IMMP2L: variants seen among roughly 807,000 people sequenced by gnomAD.
IMMP2L encodes mitochondrial inner membrane protease subunit 2.
In IMMP2L, 18 loss-of-function variants were observed where a neutral mutation model predicts 19.3. The ratio of observed to expected loss-of-function variants is 0.93; its 90% CI spans 0.64 to 1.38. IMMP2L has a LOEUF of 1.38. Among genes scored for constraint, IMMP2L ranks in the 40% most tolerant of loss-of-function variants. The pLI is 0.00. For missense variants in IMMP2L, 233 were observed against 218.2 expected, an observed-to-expected ratio of 1.07 and a Z score of -0.43; for synonymous variants, 76 against 73.0, an observed-to-expected ratio of 1.04 and a Z score of -0.21.
intron 3 of IMMP2L, among the ~76,000 whole-genome samples, chr7:111,378,186 T>A (rs996834306): frequency 6.6e-6 from 1 of 151,976 alleles, no homozygotes; most frequent in Non-Finnish European, 1.5e-5. Flanking sequence ...TATGTCAGGA[T>A]GTAAGCAAAA....
At chr7:111,546,268 G>A (rs1438055892) in intron 1 of IMMP2L, among the ~76,000 whole-genome samples, 1 of 151,874 alleles carries the variant, frequency 6.6e-6, no homozygotes, top group African/African-American at 2.4e-5. Context: ...AATGAAAATT[G>A]CACAAATCCA....
rs75914267 is a variant in IMMP2L, at chr7:110,997,266, A to T, written c.240-33701T>A. On this transcript the variant is annotated intron_variant, in intron 3 of 5. Coordinates refer to ENST00000405709, the MANE Select transcript of IMMP2L (RefSeq NM_032549.4). ...TGCTGAATTGTATTTCATGTTATGGATGTATCAGAATTTGTTTAACCACTC... is the reference window on the plus strand; with the variant it reads ...TGCTGAATTGTATTTCATGTTATGGTTGTATCAGAATTTGTTTAACCACTC... Among the ~76,000 whole-genome samples, 1,505 of 152,192 alleles carry T rather than the reference A, an allele frequency of 9.9e-3. 22 individuals are homozygous for T. The highest frequency in any genetic ancestry group is 0.033 in the African/African-American group (1,391 of 41,536).
At chr7:110,675,903 G>A (rs1277508054) in intron 5 of IMMP2L, among the ~76,000 whole-genome samples, 1 of 152,120 alleles carries the variant, frequency 6.6e-6, no homozygotes, top group East Asian at 1.9e-4. Context: ...TCCTACTTAT[G>A]TGTCATCCTA....
intron 3 of IMMP2L, among the ~76,000 whole-genome samples, chr7:110,970,660 G>A (rs988357040): frequency 2.6e-5 from 4 of 152,076 alleles, no homozygotes; most frequent in African/African-American, 9.7e-5. Flanking sequence ...AGATTCCCAA[G>A]TGCAGACCTT....
rs374643016 is a variant in IMMP2L, at chr7:111,080,275, T to C, written c.240-116710A>G. On this transcript the variant is annotated intron_variant, in intron 3 of 5. Coordinates refer to ENST00000405709, the MANE Select transcript of IMMP2L (RefSeq NM_032549.4). ...ATGTTCTGTGGTACTTGGAGGCATT[T>C]TGAAAACTCTTCCATTAAGAGAATA... Among the ~76,000 whole-genome samples, 58 of 152,202 alleles carry C rather than the reference T, an allele frequency of 3.8e-4. 1 individual carries two copies. The South Asian group carries it at 0.011, about 29-fold the overall frequency.
chr7:111,494,176 AAAT>A, intron 2 of IMMP2L, among the ~76,000 whole-genome samples: 1 of 152,322 alleles, frequency 6.6e-6, no homozygotes, highest in Non-Finnish European at 1.5e-5. Context: ...AACTAACTTA[AAAT>A]AATAAAGTGT....
intron 2 of IMMP2L, among the ~76,000 whole-genome samples, chr7:111,505,524 T>C (rs776297972): frequency 1.3e-5 from 2 of 152,062 alleles, no homozygotes; most frequent in African/African-American, 2.4e-5. Context: ...CACACACACA[T>C]ATATATTGTG....
At chr7:111,428,902 T>C (rs916779226) in intron 3 of IMMP2L, among the ~76,000 whole-genome samples, 1 of 151,868 alleles carries the variant, frequency 6.6e-6, no homozygotes, top group African/African-American at 2.4e-5. Flanking sequence ...CAAAGCAGTA[T>C]AGTATTCAAT....
At position 111,480,984 on chromosome 7, in the gene IMMP2L, A is replaced by C. The variant is rs148212678; in HGVS notation, c.239+6254T>G. On this transcript the variant is annotated intron_variant, in intron 3 of 5. Coordinates refer to ENST00000405709, the MANE Select transcript of IMMP2L (RefSeq NM_032549.4). ...AAGCATCTTTCGTTTTTCTTTTTTC[A>C]AATGCTCTATTCTATTTCATCTATT... is the stretch of plus-strand genomic sequence containing the variant. Among the ~76,000 whole-genome samples, 316 of 152,144 alleles carry C rather than the reference A, an allele frequency of 2.1e-3. 3 individuals carry two copies. Among genetic ancestry groups the C allele is most frequent in the African/African-American group, 7.3e-3 (302 of 41,524 alleles).
intron 3 of IMMP2L, among the ~76,000 whole-genome samples, chr7:111,297,737 A>G (rs1213557233): frequency 6.6e-6 from 1 of 152,172 alleles, no homozygotes; most frequent in Non-Finnish European, 1.5e-5. Flanking sequence ...AATAAAAAGA[A>G]ATGAACTAGT....
chr7:111,251,730 C>A (rs925907434), intron 3 of IMMP2L, among the ~76,000 whole-genome samples: 3 of 151,992 alleles, frequency 2.0e-5, no homozygotes, highest in Non-Finnish European at 4.4e-5. Context: ...ATACCACGAA[C>A]TGGGGCCCAT....
At chr7:111,553,484 A>G (rs1393434015) in intron 1 of IMMP2L, among the ~76,000 whole-genome samples, 1 of 152,156 alleles carries the variant, frequency 6.6e-6, no homozygotes, top group Non-Finnish European at 1.5e-5. Context: ...TGGAGTTGTT[A>G]CTATTTTCTG....
At chr7:110,702,352 T>C in intron 5 of IMMP2L, among the ~76,000 whole-genome samples, 1 of 152,170 alleles carries the variant, frequency 6.6e-6, no homozygotes, top group East Asian at 1.9e-4. Context: ...CATATACATG[T>C]TCACAGAAAT....
intron 2 of IMMP2L, among the ~76,000 whole-genome samples, chr7:111,518,526 A>G (rs1846065033): frequency 6.6e-6 from 1 of 152,126 alleles, no homozygotes; most frequent in African/African-American, 2.4e-5. Flanking sequence ...CACCATGCCA[A>G]CTATTTCAGT....
At chr7:111,255,652 T>C (rs1816616300) in intron 3 of IMMP2L, among the ~76,000 whole-genome samples, 1 of 151,956 alleles carries the variant, frequency 6.6e-6, no homozygotes, top group African/African-American at 2.4e-5. Context: ...GAAAATGAAG[T>C]TCAGGAAAGG....
At chr7:110,968,466 A>C (rs2129556222) in intron 3 of IMMP2L, among the ~76,000 whole-genome samples, 1 of 152,210 alleles carries the variant, frequency 6.6e-6, no homozygotes, top group South Asian at 2.1e-4. Flanking sequence ...TGAGCCCAGA[A>C]GTTCGAGACC....
chr7:111,538,230 A>G (rs1848073104), intron 1 of IMMP2L, among the ~76,000 whole-genome samples: 3 of 151,752 alleles, frequency 2.0e-5, no homozygotes, highest in African/African-American at 7.3e-5. Flanking sequence ...ATACAGTTTC[A>G]TTGAAGAAAT....
chr7:111,125,300 A>G (rs1268265007), intron 3 of IMMP2L: 2 of 172,396 alleles, frequency 1.2e-5, no homozygotes, highest in African/African-American at 4.8e-5. Context: ...GACCAGATAA[A>G]CTTGAATTGA....
intron 5 of IMMP2L, among the ~76,000 whole-genome samples, chr7:110,851,022 CA>C (rs1216159866): frequency 6.6e-6 from 1 of 151,852 alleles, no homozygotes; most frequent in Admixed American, 6.6e-5. Flanking sequence ...ACTAGGAAAA[CA>C]AAAAGACTTA....
Sources: gnomAD v4.1 joint callset for allele counts (sites outside exome capture counted in the v4.1 genomes callset) on GRCh38, gnomAD v4.1.1 for gene constraint, MANE v1.5 for transcripts, NCBI Gene and HGNC (gene_info 2026-07-23, HGNC 2026-07-21) for gene names.